Variants in UNC13B observed in about 807,000 individuals in gnomAD.
UNC13B encodes unc-13 homolog B.
UNC13B carries 144 observed loss-of-function variants against 211.0 expected under a neutral mutation model. The ratio of observed to expected loss-of-function variants is 0.68; its 90% CI spans 0.60 to 0.78. UNC13B has a LOEUF of 0.78. Among genes scored for constraint, UNC13B ranks in the 30% least tolerant of loss-of-function variants. The pLI is 0.00. For missense variants in UNC13B, 1,777 were observed against 2,002.0 expected (o/e 0.89, Z 2.14); for synonymous variants, 709 against 725.8 (o/e 0.98, Z 0.37).
At chr9:35,384,161 A>G (rs1554713556) in intron 21 of UNC13B, 85 bp from the exon 22 acceptor site, 1 of 1,588,372 alleles carries the variant, frequency 6.3e-7, no homozygotes, top group Non-Finnish European at 8.6e-7. Flanking sequence ...CTACTCATCC[A>G]GGGGTGGTTC....
At chr9:35,313,319 G>T (rs1830275258) in intron 10 of UNC13B, among the ~76,000 whole-genome samples, 1 of 152,072 alleles carries the variant, frequency 6.6e-6, no homozygotes, top group Admixed American at 6.5e-5. Context: ...TTGGGTAAAT[G>T]AAAAAGAAGG....
At chr9:35,183,561 G>A (rs1276157016) in intron 1 of UNC13B, among the ~76,000 whole-genome samples, 5 of 139,424 alleles carry the variant, frequency 3.6e-5, no homozygotes, top group Admixed American at 7.2e-5. Context: ...AGGCAGAGGC[G>A]CCCCTCACCT....
intron 1 of UNC13B, among the ~76,000 whole-genome samples, chr9:35,199,419 C>T (rs1169480400): frequency 6.6e-6 from 1 of 152,188 alleles, no homozygotes; most frequent in Admixed American, 6.5e-5. Flanking sequence ...AATCGCCACA[C>T]TGTCTTCCAC....
chr9:35,166,515 A>T (rs576230874), intron 1 of UNC13B, among the ~76,000 whole-genome samples: 35 of 150,730 alleles, frequency 2.3e-4, no homozygotes, highest in African/African-American at 8.5e-4. Context: ...TTTAAATTTA[A>T]TTTTTTTTTT....
In UNC13B at chr9:35,396,854, T is replaced by C. The variant is rs927212035; in HGVS notation, c.11449T>C (p.Phe3817Leu). 6 of 1,614,012 alleles carry C rather than the reference T, an allele frequency of 3.7e-6. No individual in the cohort carries two copies. In the African/African-American group the frequency reaches 4.0e-5, roughly 11 times the overall value. ...CTGTGGCTGCAGGTGGTTTGAGCAGTTCGTGCTACAATGGCTGGATGAGAA... is the reference window on the plus strand; with the variant it reads ...CTGTGGCTGCAGGTGGTTTGAGCAGCTCGTGCTACAATGGCTGGATGAGAA... ...VPEYPAWFEQFVLQWLDENED... is the reference protein window; with the variant it reads ...VPEYPAWFEQLVLQWLDENED... The change falls in exon 28 of 40, where the codon TTC (phenylalanine) becomes CTC (leucine). Residue 3817 changes from phenylalanine to leucine, a missense_variant. Coordinates refer to ENST00000635942, the MANE Select transcript of UNC13B (RefSeq NM_001371189.2).
chr9:35,394,763 CAG>C (rs1354920833), intron 26 of UNC13B, among the ~76,000 whole-genome samples: 1 of 152,118 alleles, frequency 6.6e-6, no homozygotes, highest in Non-Finnish European at 1.5e-5. Flanking sequence ...GCCTTTCTGA[CAG>C]ATTACCCCAC....
intron 1 of UNC13B, among the ~76,000 whole-genome samples, chr9:35,178,855 T>C: frequency 8.3e-6 from 1 of 120,688 alleles, no homozygotes; most frequent in South Asian, 2.7e-4. Context: ...ACCACTGCAC[T>C]CCAGACTGGG....
intron 1 of UNC13B, among the ~76,000 whole-genome samples, chr9:35,199,051 C>G (rs570128483): frequency 6.6e-6 from 1 of 151,874 alleles, no homozygotes; most frequent in Non-Finnish European, 1.5e-5. Flanking sequence ...TGATGTTCCC[C>G]ACCCTGTGTC....
At chr9:35,291,664 C>T (rs1445748528) in intron 7 of UNC13B, among the ~76,000 whole-genome samples, 1 of 152,208 alleles carries the variant, frequency 6.6e-6, no homozygotes, top group African/African-American at 2.4e-5. Flanking sequence ...AGCAGCCCAG[C>T]TAAGGCCACC....
rs542836151 is a variant in UNC13B, at chr9:35,243,482, G to A, written c.468+118G>A. On this transcript the variant is annotated intron_variant, in intron 6 of 39. Transcript: ENST00000635942. Reference sequence around the variant, plus strand: ...TCCTGAGAATGAAATCACTTAAATTGCATTGAAGAAAAAAGGCAGCTAGAA... The same window carrying A: ...TCCTGAGAATGAAATCACTTAAATTACATTGAAGAAAAAAGGCAGCTAGAA... 4.9e-5 allele frequency: 52 copies of A among 1,052,972 alleles called. No homozygotes were observed. The African/African-American group carries it at 6.6e-4, about 13-fold the overall frequency. The allele number at this position is 1,052,972 out of a possible 1,614,324, so 65.2% of individuals were successfully genotyped here.
intron 1 of UNC13B, among the ~76,000 whole-genome samples, chr9:35,221,964 C>G (rs1191274204): frequency 6.6e-6 from 1 of 152,070 alleles, no homozygotes; most frequent in African/African-American, 2.4e-5. Flanking sequence ...ATCAGTTGAC[C>G]CATATGTGTG....
chr9:35,256,748 A>G (rs1826903374), intron 6 of UNC13B, among the ~76,000 whole-genome samples: 1 of 152,202 alleles, frequency 6.6e-6, no homozygotes, highest in Non-Finnish European at 1.5e-5. Context: ...ATATTCACAT[A>G]TGAATATTAC....
chr9:35,334,419 C>T (rs1205517796), intron 11 of UNC13B, among the ~76,000 whole-genome samples: 1 of 152,198 alleles, frequency 6.6e-6, no homozygotes, highest in Non-Finnish European at 1.5e-5. Flanking sequence ...TCTTTTGGCC[C>T]AGCTTGGCTT....
At chr9:35,227,261 G>A (rs976093542) in intron 1 of UNC13B, among the ~76,000 whole-genome samples, 1 of 152,232 alleles carries the variant, frequency 6.6e-6, no homozygotes, top group African/African-American at 2.4e-5. Context: ...TAGTTAAGGT[G>A]AAGCTTTCAG....
At chr9:35,188,721 T>A (rs777650474) in intron 1 of UNC13B, among the ~76,000 whole-genome samples, 1 of 152,236 alleles carries the variant, frequency 6.6e-6, no homozygotes, top group Non-Finnish European at 1.5e-5. Flanking sequence ...CATAAATTGC[T>A]TATTTTGCCA....
chr9:35,233,523 A>G (rs1428401912), intron 3 of UNC13B, among the ~76,000 whole-genome samples: 1 of 151,366 alleles, frequency 6.6e-6, no homozygotes, highest in Non-Finnish European at 1.5e-5. Flanking sequence ...TTATTTACTT[A>G]TTTTTTTTGG....
At chr9:35,193,853 G>A (rs533961241) in intron 1 of UNC13B, among the ~76,000 whole-genome samples, 9 of 152,236 alleles carry the variant, frequency 5.9e-5, no homozygotes, top group African/African-American at 1.4e-4. Flanking sequence ...GAATTGGGAA[G>A]CTAGGCTGTT....
Position 35,303,560 on chromosome 9 carries a change from T to C in UNC13B, c.4156T>C (p.Ser1386Pro). 3 of 398,766 alleles carry C rather than the reference T, an allele frequency of 7.5e-6. No individual in the cohort carries two copies. Among genetic ancestry groups the C allele is most frequent in the Non-Finnish European group, 1.3e-5 (3 of 225,840 alleles). The allele number at this position is 398,766 out of a possible 1,614,324, so 24.7% of individuals were successfully genotyped here. Residue 1386 changes from serine (S) to proline (P), a missense_variant, in exon 9 of 40, where the codon TCA (serine) becomes CCA (proline). Physicochemically the swap from Ser to Pro is moderately conservative, Grantham distance 74. Coordinates refer to ENST00000635942, the MANE Select transcript of UNC13B (RefSeq NM_001371189.2). ...YYMLNQNRFL[S>P]ADACLWLDSE... ...TATGTTAAATCAAAATAGATTTCTA[T>C]CAGCCGATGCTTGCTTGTGGCTTGA...
intron 4 of UNC13B, among the ~76,000 whole-genome samples, chr9:35,237,127 T>G (rs1825557485): frequency 6.6e-6 from 1 of 152,148 alleles, no homozygotes; most frequent in African/African-American, 2.4e-5. Context: ...TTGCCTCACT[T>G]TCCTAGACTA....
Sources: gnomAD v4.1 joint callset for allele counts (sites outside exome capture counted in the v4.1 genomes callset) on GRCh38, gnomAD v4.1.1 for gene constraint, MANE v1.5 for transcripts, NCBI Gene and HGNC (gene_info 2026-07-23, HGNC 2026-07-21) for gene names.